The following FRMPD4 variants were observed in gnomAD, a reference collection of about 807,000 sequenced individuals.
The protein encoded by FRMPD4 is FERM and PDZ domain containing 4.
FRMPD4 carries 22 observed loss-of-function variants against 94.1 expected under a neutral mutation model. The ratio of observed to expected loss-of-function variants is 0.23; its 90% CI spans 0.17 to 0.33. The LOEUF is 0.33. Among genes scored for constraint, FRMPD4 ranks in the 10% least tolerant of loss-of-function variants. The pLI is 1.00. For synonymous variants in FRMPD4, 631 were observed against 548.6 expected (o/e 1.15, Z -2.10); for missense variants, 1,111 against 1,339.9 (o/e 0.83, Z 2.67).
chrX:12,472,133 C>G (rs1450342737), intron 1 of FRMPD4, among the ~76,000 whole-genome samples: 1 of 111,978 alleles, frequency 8.9e-6, no homozygotes, highest in Non-Finnish European at 1.9e-5. Flanking sequence ...AAAAATATTG[C>G]TACTACTGGC....
chrX:12,124,466 T>C (rs1210383959), intron 3 of FRMPD4, among the ~76,000 whole-genome samples: 1 of 111,622 alleles, frequency 9.0e-6, no homozygotes, highest in Non-Finnish European at 1.9e-5. Flanking sequence ...GGAAAACAGA[T>C]ATTGGCCTCC....
chrX:11,956,465 T>C (rs1189315646), intron 3 of FRMPD4, among the ~76,000 whole-genome samples: 1 of 112,075 alleles, frequency 8.9e-6, no homozygotes, highest in Non-Finnish European at 1.9e-5. Flanking sequence ...TAGAAGACAT[T>C]GAATGTAATA....
chrX:11,935,252 T>TTTG lies in FRMPD4; in HGVS notation c.95+57236_95+57237insGTT, dbSNP rs201396540. 8.4e-3 allele frequency among the ~76,000 whole-genome samples: 324 copies of TTTG among 38,522 alleles called. 18 individuals carry two copies. Among genetic ancestry groups the TTTG allele is most frequent in the African/African-American group, 0.033 (310 of 9,376 alleles). 33.5% of individuals were successfully genotyped at this position (38,522 alleles called of 115,157 possible). On this transcript the variant is annotated intron_variant, in intron 3 of 18. Transcript: ENST00000640291. Reference sequence around the variant, plus strand: ...TCCATGTTTGCTTTGTTTTGTTGTTTTTTTTTTTTTTAATGTGTTTTTTTT... The same window carrying TTTG: ...TCCATGTTTGCTTTGTTTTGTTGTTTTTGTTTTTTTTTTTAATGTGTTTTTTTT...
At chrX:12,543,395 A>G (rs1406934566) in intron 2 of FRMPD4, among the ~76,000 whole-genome samples, 6 of 112,257 alleles carry the variant, frequency 5.3e-5, no homozygotes, top group Admixed American at 4.7e-4. Flanking sequence ...ACTCACAAGA[A>G]AAAAACAAAC....
chrX:12,509,934 A>G (rs2058026164), intron 2 of FRMPD4, among the ~76,000 whole-genome samples: 1 of 111,839 alleles, frequency 8.9e-6, no homozygotes, highest in Admixed American at 9.5e-5. Flanking sequence ...ATAGAATAAT[A>G]AAGCACAGAA....
rs1384093966 is a variant in FRMPD4 at position 12,418,566 on chromosome X, G to C, written c.42-80114G>C. ...GTAGAGATGGGGTTTCACCATGTTG[G>C]TCAGGCTGGTCTCGAACTCCCGACC... On this transcript the variant is annotated intron_variant, in intron 1 of 16. Coordinates refer to ENST00000675598, the MANE Select transcript of FRMPD4 (RefSeq NM_001368397.1). 7.3e-5 allele frequency among the ~76,000 whole-genome samples: 8 copies of C among 109,071 alleles called. No individual in the cohort carries two copies. In the South Asian group the frequency reaches 2.1e-3, roughly 28 times the overall value. The allele number at this position is 109,071 out of a possible 115,157, so 94.7% of individuals were successfully genotyped here.
intron 2 of FRMPD4, among the ~76,000 whole-genome samples, chrX:12,517,620 A>G: frequency 8.9e-6 from 1 of 112,423 alleles, no homozygotes; most frequent in Non-Finnish European, 1.9e-5. Flanking sequence ...ACATGATGCT[A>G]GCAGGAATGC....
Position 12,671,371 on chromosome X carries a change from G to A in FRMPD4, c.423-3492G>A, listed in dbSNP as rs186050365. 4.5e-5 allele frequency among the ~76,000 whole-genome samples: 5 copies of A among 112,152 alleles called. No homozygotes were observed. In the East Asian group the frequency reaches 1.4e-3, roughly 31 times the overall value. On this transcript the variant is annotated intron_variant, in intron 4 of 16. Transcript: ENST00000675598. Reference sequence around the variant, plus strand: ...CAATGATAGACTGGATAAAGAAAATGTGGCACATATACACCATGGAATACT... The same window carrying A: ...CAATGATAGACTGGATAAAGAAAATATGGCACATATACACCATGGAATACT...
intron 3 of FRMPD4, among the ~76,000 whole-genome samples, chrX:11,946,294 TA>T (rs1171395672): frequency 8.9e-6 from 1 of 111,797 alleles, no homozygotes. Flanking sequence ...TGTTAGGTAA[TA>T]TATGGCTATG....
intron 4 of FRMPD4, among the ~76,000 whole-genome samples, chrX:12,615,908 GT>G (rs1235004100): frequency 9.0e-6 from 1 of 111,246 alleles, no homozygotes; most frequent in Admixed American, 9.5e-5. Flanking sequence ...TTCAGAGAAA[GT>G]TTCTTTCTCA....
At chrX:12,124,303 G>T (rs2055481486) in intron 3 of FRMPD4, among the ~76,000 whole-genome samples, 1 of 111,916 alleles carries the variant, frequency 8.9e-6, no homozygotes, top group Admixed American at 9.5e-5. Flanking sequence ...TACACTATTA[G>T]ATAATTAAAT....
chrX:12,622,015 A>AAAGGAAGG (rs1398023082), intron 4 of FRMPD4, among the ~76,000 whole-genome samples: 644 of 21,919 alleles, frequency 0.029, 61 homozygotes, highest in Middle Eastern at 0.041. Flanking sequence ...AGAAAGAAAG[A>AAAGGAAGG]AAGGAAGGAA....
chrX:11,896,602 A>G (rs1330747381), intron 3 of FRMPD4, among the ~76,000 whole-genome samples: 1 of 111,959 alleles, frequency 8.9e-6, no homozygotes, highest in Non-Finnish European at 1.9e-5. Context: ...AGCCTCTAGA[A>G]CTGTGAAAAA....
Position 12,258,813 on chromosome X carries a change from A to G in FRMPD4, c.41+119801A>G, listed in dbSNP as rs137919611. ...TCAAGCATGTATCTTTTCTTTTTGC[A>G]GGGAACATTCCAATTCTTCTCTTCT... On this transcript the variant is annotated intron_variant, in intron 1 of 16. Coordinates refer to ENST00000675598, the MANE Select transcript of FRMPD4 (RefSeq NM_001368397.1). Among the ~76,000 whole-genome samples, 683 of 111,648 alleles carry G rather than the reference A, an allele frequency of 6.1e-3. 9 individuals are homozygous for G. The highest frequency in any genetic ancestry group is 0.021 in the African/African-American group (650 of 30,735).
chrX:12,282,451 A>G (rs1460951935), intron 1 of FRMPD4, among the ~76,000 whole-genome samples: 3 of 112,839 alleles, frequency 2.7e-5, no homozygotes, highest in African/African-American at 9.7e-5. Context: ...GTTGTAAAAT[A>G]TAATTTTAAT....
At chrX:12,266,160 A>AAAAAAAAG (rs1569211566) in intron 1 of FRMPD4, among the ~76,000 whole-genome samples, 6 of 103,792 alleles carry the variant, frequency 5.8e-5, no homozygotes, top group African/African-American at 2.3e-4. Context: ...AAAAAAAAAA[A>AAAAAAAAG]AGAGAAAACA....
At chrX:12,438,432 A>AAAAG (rs1326791310) in intron 1 of FRMPD4, among the ~76,000 whole-genome samples, 1 of 108,878 alleles carries the variant, frequency 9.2e-6, no homozygotes, top group Non-Finnish European at 1.9e-5. Context: ...ACTCTTACTG[A>AAAAG]AAAGACAGTG....
chrX:12,547,980 A>G (rs1371215390), intron 2 of FRMPD4, among the ~76,000 whole-genome samples: 1 of 112,402 alleles, frequency 8.9e-6, no homozygotes, highest in Non-Finnish European at 1.9e-5. Flanking sequence ...TACACTGCAG[A>G]CATTTTAGAA....
At position 12,614,805 on chromosome X, in the gene FRMPD4, C is replaced by T; in HGVS notation, c.346C>T (p.Pro116Ser). 8.5e-7 allele frequency: 1 copy of T among 1,183,428 alleles called. No individual in the cohort carries two copies. Among genetic ancestry groups the T allele is most frequent in the South Asian group, 1.8e-5 (1 of 55,890 alleles). The change falls in exon 4 of 17, where the codon CCG becomes TCG. Residue 116 changes from proline (P) to serine (S), a missense_variant. By Grantham distance (74) the Pro-to-Ser change is moderately conservative. Transcript: ENST00000675598. ...TGGCCCCTCTGAAGGCAAGCTGATC[C>T]CGGGAGATCAGATTGTAATGATTAA... ...PGGPSEGKLI[P>S]GDQIVMINDE...
Sources: allele counts gnomAD v4.1 joint callset (sites outside exome capture counted in the v4.1 genomes callset), GRCh38; gene constraint gnomAD v4.1.1; transcripts MANE v1.5; gene names NCBI Gene and HGNC (gene_info 2026-07-23, HGNC 2026-07-21).